Variants in SUCLG2 observed in about 807,000 individuals in gnomAD.
SUCLG2 encodes the protein succinate--CoA ligase [GDP-forming] subunit beta, mitochondrial.
A neutral mutation model predicts 47.9 loss-of-function variants in SUCLG2; 42 were observed. The ratio of observed to expected loss-of-function variants is 0.88; its 90% confidence interval spans 0.69 to 1.14. SUCLG2 has a LOEUF of 1.14. Ranked by LOEUF, SUCLG2 falls within the 50% of genes most tolerant of loss-of-function variation. The pLI, the probability that SUCLG2 is intolerant of heterozygous loss-of-function variation, is 0.00. For missense variants in SUCLG2, 571 were observed against 525.9 expected (o/e 1.09, Z -0.84); for synonymous variants, 195 against 197.3 (o/e 0.99, Z 0.10).
At position 67,433,112 on chromosome 3, in the gene SUCLG2, T is replaced by C. The variant is rs1703528264; in HGVS notation, c.1063-32261A>G. Among the ~76,000 whole-genome samples, 3 of 152,044 alleles carry C rather than the reference T, an allele frequency of 2.0e-5. No homozygotes were observed. The South Asian group carries it at 6.2e-4, about 32-fold the overall frequency. On this transcript the variant is annotated intron_variant, in intron 9 of 10. Transcript: ENST00000307227. Reference sequence around the variant, plus strand: ...CTTTTGGGTTTTTCCTCACTGTACTTCTGGGGGTTGGGGGAGGTTGCTGCT... The same window carrying C: ...CTTTTGGGTTTTTCCTCACTGTACTCCTGGGGGTTGGGGGAGGTTGCTGCT...
At chr3:67,547,419 A>T (rs1706895190) in intron 2 of SUCLG2, among the ~76,000 whole-genome samples, 3 of 152,242 alleles carry the variant, frequency 2.0e-5, no homozygotes, top group Admixed American at 2.0e-4. Flanking sequence ...GTTTTCAGCA[A>T]CATGGACATC....
At chr3:67,597,943 A>C (rs2107291168) in intron 2 of SUCLG2, among the ~76,000 whole-genome samples, 1 of 152,016 alleles carries the variant, frequency 6.6e-6, no homozygotes, top group African/African-American at 2.4e-5. Flanking sequence ...ATCTCAAAAA[A>C]CAAACAAACA....
Position 67,562,418 on chromosome 3 carries a change from C to T in SUCLG2, c.227-33232G>A, listed in dbSNP as rs542140451. ...TCAGCTTCCCAAGTAGCTGGGATTA[C>T]AGGCACAGGCCACCATGCCCAGCTA... On this transcript the variant is annotated intron_variant, in intron 2 of 10. Coordinates refer to ENST00000307227, the MANE Select transcript of SUCLG2 (RefSeq NM_003848.4). Among the ~76,000 whole-genome samples the T allele has an allele frequency of 5.6e-4, 86 of 152,244 alleles. No homozygotes were observed. In the South Asian group the frequency reaches 0.012, roughly 22 times the overall value.
chr3:67,362,186 T>C (rs59619050), intron 10 of SUCLG2, among the ~76,000 whole-genome samples: 23,252 of 152,158 alleles, frequency 0.15, 1,922 homozygotes, highest in Middle Eastern at 0.23. Context: ...TCCCTGTTGC[T>C]CTCCACACCC....
chr3:67,403,961 C>T (rs1371779365), intron 9 of SUCLG2, among the ~76,000 whole-genome samples: 3 of 152,232 alleles, frequency 2.0e-5, no homozygotes, highest in African/African-American at 7.2e-5. Flanking sequence ...TCTTGACTCA[C>T]TGCAACCTCC....
intron 5 of SUCLG2, among the ~76,000 whole-genome samples, chr3:67,520,274 A>C (rs1015877382): frequency 9.2e-5 from 14 of 152,230 alleles, no homozygotes; most frequent in African/African-American, 3.1e-4. Context: ...GGGTGGGAAA[A>C]GCAAAGATAA....
At chr3:67,445,628 TA>T (rs1172771655) in intron 9 of SUCLG2, among the ~76,000 whole-genome samples, 566 of 5,830 alleles carry the variant, frequency 0.097, 26 homozygotes, top group Middle Eastern at 0.17. Context: ...AAAAATAAAT[TA>T]AAAAAAAAAA....
rs568241189 is a variant in SUCLG2 at position 67,625,621 on chromosome 3, G to A, written c.85-16025C>T. ...ATTAAAATTGATCTCTGAAGCTCCT[G>A]CTGCCTCTGAAAACACTAGACATGA... On this transcript the variant is annotated intron_variant, in intron 1 of 10. Transcript: ENST00000307227. 7.0e-4 allele frequency among the ~76,000 whole-genome samples: 107 copies of A among 152,298 alleles called. 1 individual carries two copies. The highest frequency in any genetic ancestry group is 2.2e-4 in the Non-Finnish European group (15 of 68,022).
intron 9 of SUCLG2, among the ~76,000 whole-genome samples, chr3:67,410,720 A>G (rs1702916003): frequency 6.6e-6 from 1 of 152,174 alleles, no homozygotes; most frequent in South Asian, 2.1e-4. Flanking sequence ...TGGTCATACT[A>G]TTTCATAAAG....
chr3:67,630,489 T>C (rs1276332749), intron 1 of SUCLG2, among the ~76,000 whole-genome samples: 1 of 152,260 alleles, frequency 6.6e-6, no homozygotes, highest in Non-Finnish European at 1.5e-5. Context: ...ATGATTTAAA[T>C]ATGGTTTTGT....
chr3:67,541,103 C>G (rs1267424540), intron 2 of SUCLG2, among the ~76,000 whole-genome samples: 1 of 152,092 alleles, frequency 6.6e-6, no homozygotes, highest in African/African-American at 2.4e-5. Flanking sequence ...TAAGGAAGAA[C>G]CAGTACAAAA....
intron 7 of SUCLG2, among the ~76,000 whole-genome samples, chr3:67,507,530 GAA>G (rs11425840): frequency 4.9e-5 from 6 of 123,342 alleles, no homozygotes; most frequent in South Asian, 2.7e-4. Flanking sequence ...TGAAAAGATT[GAA>G]AAAAAAAAAA....
intron 9 of SUCLG2, among the ~76,000 whole-genome samples, chr3:67,411,563 C>A (rs2106837771): frequency 6.6e-6 from 1 of 152,164 alleles, no homozygotes; most frequent in South Asian, 2.1e-4. Context: ...TTCTTATAGA[C>A]TAAAATTTAT....
In SUCLG2 at chr3:67,517,658, T is replaced by C. The variant is rs114713964; in HGVS notation, c.660+589A>G. On this transcript the variant is annotated intron_variant, in intron 6 of 10. Coordinates refer to ENST00000307227, the MANE Select transcript of SUCLG2 (RefSeq NM_003848.4). Reference sequence around the variant, plus strand: ...TTTTGGTCTTTGAAGCCAAGGGATATTATTACAAAATTGGCATATTTTAAG... The same window carrying C: ...TTTTGGTCTTTGAAGCCAAGGGATACTATTACAAAATTGGCATATTTTAAG... Among the ~76,000 whole-genome samples, 257 of 152,312 alleles carry C rather than the reference T, an allele frequency of 1.7e-3. 3 individuals are homozygous for C. Among genetic ancestry groups the C allele is most frequent in the Non-Finnish European group, 2.2e-3 (147 of 68,030 alleles).
intron 9 of SUCLG2, among the ~76,000 whole-genome samples, chr3:67,407,099 G>T (rs930168936): frequency 3.9e-5 from 6 of 152,046 alleles, no homozygotes; most frequent in African/African-American, 1.4e-4. Context: ...ACTTACCCTT[G>T]TTGCAGCATG....
chr3:67,420,683 T>C (rs2106857753), intron 9 of SUCLG2, among the ~76,000 whole-genome samples: 1 of 152,268 alleles, frequency 6.6e-6, no homozygotes, highest in South Asian at 2.1e-4. Flanking sequence ...AGGAGTCCTT[T>C]TCATATTTCA....
chr3:67,551,177 C>A (rs946164561), intron 2 of SUCLG2, among the ~76,000 whole-genome samples: 1 of 152,084 alleles, frequency 6.6e-6, no homozygotes. Context: ...TGAGACAGTA[C>A]AAAGTTAAAA....
At chr3:67,579,564 C>A (rs1707830605) in intron 2 of SUCLG2, among the ~76,000 whole-genome samples, 1 of 152,134 alleles carries the variant, frequency 6.6e-6, no homozygotes, top group African/African-American at 2.4e-5. Flanking sequence ...AAATTACAAA[C>A]CAAGAAACTT....
intron 2 of SUCLG2, among the ~76,000 whole-genome samples, chr3:67,602,328 G>C (rs1211628805): frequency 6.6e-6 from 1 of 152,172 alleles, no homozygotes; most frequent in African/African-American, 2.4e-5. Flanking sequence ...AAGGCATTGA[G>C]TTTCAAAGTA....
Sources: allele counts gnomAD v4.1 joint callset (sites outside exome capture counted in the v4.1 genomes callset), GRCh38; gene constraint gnomAD v4.1.1; transcripts MANE v1.5; gene names NCBI Gene and HGNC (gene_info 2026-07-23, HGNC 2026-07-21).